The following PRKCB variants were observed in gnomAD, a reference collection of about 807,000 sequenced individuals.
The protein encoded by PRKCB is protein kinase C beta, also known as protein kinase C beta type.
A neutral mutation model predicts 81.5 loss-of-function variants in PRKCB; 13 were observed. That is an observed-to-expected ratio of 0.16 (90% confidence interval 0.10 to 0.25). The LOEUF (loss-of-function observed/expected upper bound fraction) is 0.25, where lower values mean the gene tolerates loss of function less well. Ranked by LOEUF, PRKCB falls within the 10% of genes least tolerant of loss-of-function variation. The pLI, the probability that PRKCB is intolerant of heterozygous loss-of-function variation, is 1.00. For synonymous variants in PRKCB, 335 were observed against 321.4 expected, an observed-to-expected ratio of 1.04 and a Z score of -0.45; for missense variants, 509 against 875.7, an observed-to-expected ratio of 0.58 and a Z score of 5.29.
At chr16:23,997,233 A>T (rs1415750242) in intron 3 of PRKCB, among the ~76,000 whole-genome samples, 1 of 152,214 alleles carries the variant, frequency 6.6e-6, no homozygotes, top group African/African-American at 2.4e-5. Flanking sequence ...ACTAAGGGGA[A>T]ATTGGACACT....
chr16:24,094,063 T>G, intron 6 of PRKCB, 100 bp from the exon 7 acceptor site: 9 of 1,348,958 alleles, frequency 6.7e-6, no homozygotes, highest in Non-Finnish European at 9.1e-6. Context: ...GCTTGTAATC[T>G]TTAAAACTTT....
intron 3 of PRKCB, among the ~76,000 whole-genome samples, chr16:23,996,274 A>T (rs1964955414): frequency 6.6e-6 from 1 of 152,156 alleles, no homozygotes; most frequent in South Asian, 2.1e-4. Flanking sequence ...CGTTCTTTGG[A>T]TACCAGGCAG....
intron 9 of PRKCB, among the ~76,000 whole-genome samples, chr16:24,125,633 T>C (rs1966842185): frequency 1.3e-5 from 2 of 152,344 alleles, no homozygotes; most frequent in Middle Eastern, 6.8e-3. Flanking sequence ...CTTGTTGATT[T>C]TTTCTCTCTT....
At chr16:24,021,028 C>CTTTCTTTCTTTCTTTCTTTCTT (rs1567346706) in intron 3 of PRKCB, among the ~76,000 whole-genome samples, 2 of 140,328 alleles carry the variant, frequency 1.4e-5, no homozygotes, top group South Asian at 4.7e-4. Flanking sequence ...TTCTTTCTTT[C>CTTTCTTTCTTTCTTTCTTTCTT]TTTCTTTCTT....
intron 2 of PRKCB, among the ~76,000 whole-genome samples, chr16:23,867,055 TC>T (rs1597216929): frequency 2.5e-5 from 3 of 118,124 alleles, no homozygotes; most frequent in East Asian, 2.4e-4. Context: ...CTTCCTTCTC[TC>T]TCTCTCTCTT....
chr16:24,209,645 C>A (rs892385922), intron 16 of PRKCB, among the ~76,000 whole-genome samples: 2 of 152,068 alleles, frequency 1.3e-5, no homozygotes, highest in Non-Finnish European at 2.9e-5. Context: ...GAATATACCC[C>A]ACATCCGAAT....
At chr16:23,971,941 C>A (rs771919267) in intron 2 of PRKCB, among the ~76,000 whole-genome samples, 22 of 151,490 alleles carry the variant, frequency 1.5e-4, no homozygotes, top group Non-Finnish European at 2.8e-4. Context: ...AATTGTATGC[C>A]CACACAAAAA....
intron 2 of PRKCB, among the ~76,000 whole-genome samples, chr16:23,971,252 G>A (rs930536893): frequency 6.6e-6 from 1 of 152,156 alleles, no homozygotes; most frequent in African/African-American, 2.4e-5. Flanking sequence ...AATTCCCTGT[G>A]GATGAAGTAC....
chr16:24,150,355 A>T (rs922893055), intron 9 of PRKCB, among the ~76,000 whole-genome samples: 2 of 151,992 alleles, frequency 1.3e-5, no homozygotes, highest in African/African-American at 4.8e-5. Context: ...ACAAAACAAA[A>T]CAAAAAAGGA....
chr16:23,935,759 A>G (rs1480007064), intron 2 of PRKCB, among the ~76,000 whole-genome samples: 1 of 152,214 alleles, frequency 6.6e-6, no homozygotes, highest in East Asian at 1.9e-4. Context: ...CATTATTTTA[A>G]GCAAATTAGA....
In PRKCB at chr16:24,218,744, A is replaced by G. The variant is rs747944600; in HGVS notation, c.*3928A>G. 5.3e-5 allele frequency: 52 copies of G among 984,876 alleles called. No individual in the cohort carries two copies. Among genetic ancestry groups the G allele is most frequent in the Non-Finnish European group, 6.1e-5 (51 of 829,900 alleles). The allele number at this position is 984,876 out of a possible 1,614,324, so 61.0% of individuals were successfully genotyped here. On this transcript the variant is annotated 3_prime_UTR_variant, in exon 17 of 17. Transcript: ENST00000643927. ...CTAATGAGTCAGTGAATCCTTACCG[A>G]CCCCCTGGCCTTTATAATCTGAGGC...
chr16:23,898,556 G>A (rs1001827728), intron 2 of PRKCB, among the ~76,000 whole-genome samples: 1 of 152,108 alleles, frequency 6.6e-6, no homozygotes, highest in Non-Finnish European at 1.5e-5. Flanking sequence ...GAAGAATGGG[G>A]TAGGTGAGCA....
chr16:23,988,437 TCC>T, intron 2 of PRKCB, 69 bp from the exon 3 acceptor site: 1 of 1,244,190 alleles, frequency 8.0e-7, no homozygotes. Context: ...GATCTCTTCC[TCC>T]CTTTCTCTCT....
intron 9 of PRKCB, among the ~76,000 whole-genome samples, chr16:24,140,299 A>T (rs403018): frequency 1.3e-5 from 2 of 152,008 alleles, no homozygotes; most frequent in African/African-American, 4.8e-5. Context: ...TTGGAAGTTT[A>T]GGAGAGCCTC....
chr16:24,019,177 T>C (rs1033356038), intron 3 of PRKCB, among the ~76,000 whole-genome samples: 2 of 151,712 alleles, frequency 1.3e-5, no homozygotes, highest in Non-Finnish European at 2.9e-5. Flanking sequence ...TTTTTTCTTT[T>C]TTTTTTTTTG....
chr16:24,185,392 A>T (rs893075622), intron 14 of PRKCB, 68 bp from the exon 15 acceptor site: 6 of 1,435,848 alleles, frequency 4.2e-6, no homozygotes, highest in Admixed American at 1.7e-5. Flanking sequence ...AGGGTCTGCC[A>T]GTTGAGGGGA....
At chr16:23,976,580 T>C (rs1964630255) in intron 2 of PRKCB, among the ~76,000 whole-genome samples, 1 of 152,096 alleles carries the variant, frequency 6.6e-6, no homozygotes, top group African/African-American at 2.4e-5. Context: ...AGGAGAAGCA[T>C]GGAGGATGGG....
chr16:24,168,720 T>C (rs1967391889), intron 10 of PRKCB, among the ~76,000 whole-genome samples: 3 of 139,570 alleles, frequency 2.1e-5, no homozygotes. Flanking sequence ...CTGGCTATTT[T>C]TTTTTTTTTT....
intron 5 of PRKCB, among the ~76,000 whole-genome samples, chr16:24,075,155 A>C (rs1596537880): frequency 6.6e-6 from 1 of 152,152 alleles, no homozygotes; most frequent in African/African-American, 2.4e-5. Flanking sequence ...AGAAAATTAA[A>C]TAAAATGCAA....
Sources: allele counts gnomAD v4.1 joint callset (sites outside exome capture counted in the v4.1 genomes callset), GRCh38; gene constraint gnomAD v4.1.1; transcripts MANE v1.5; gene names NCBI Gene and HGNC (gene_info 2026-07-23, HGNC 2026-07-21).